Variants in UBR1 observed in about 807,000 individuals in gnomAD.
UBR1 encodes the protein ubiquitin protein ligase E3 component n-recognin 1.
A neutral mutation model predicts 242.1 loss-of-function variants in UBR1; 102 were observed. That is an observed-to-expected ratio of 0.42 (90% CI 0.36 to 0.50). UBR1 has a LOEUF of 0.50. Ranked by LOEUF, UBR1 falls within the 20% of genes least tolerant of loss-of-function variation. The pLI is 0.01. For synonymous variants in UBR1, 675 were observed against 684.8 expected (o/e 0.99, Z 0.22); for missense variants, 1,772 against 2,101.8 (o/e 0.84, Z 3.07).
At position 43,067,994 on chromosome 15, in the gene UBR1, T is replaced by C. The variant is rs1567142194; in HGVS notation, c.702A>G (p.Glu234=). 3.7e-6 allele frequency: 6 copies of C among 1,612,564 alleles called. No individual in the cohort carries two copies. Among genetic ancestry groups the C allele is most frequent in the Non-Finnish European group, 5.1e-6 (6 of 1,179,406 alleles). The change falls in exon 6 of 47, where the codon GAA becomes GAG. Residue 234 remains glutamate, a synonymous_variant. Transcript: ENST00000290650. ...ATATGACGTGGTCATATGAATGGTG[T>C]TCATCATTGAAAAGGACACAATAGT... is the stretch of plus-strand genomic sequence containing the variant. ...ERYYCVLFND[E]HHSYDHVIYS...
intron 19 of UBR1, 83 bp from the exon 20 acceptor site, chr15:43,032,714 T>C (rs947976235): frequency 1.2e-6 from 1 of 822,196 alleles, no homozygotes; most frequent in Non-Finnish European, 2.0e-6. Flanking sequence ...AGACTCATGG[T>C]CCATCCAGCC....
chr15:43,022,582 T>C, intron 26 of UBR1, 120 bp downstream of exon 26: 1 of 639,118 alleles, frequency 1.6e-6, no homozygotes, highest in South Asian at 2.1e-5. Flanking sequence ...GTTACCTATG[T>C]TTTAAGGACT....
At chr15:43,014,676 C>T (rs1283683783) in intron 29 of UBR1, among the ~76,000 whole-genome samples, 27 of 151,728 alleles carry the variant, frequency 1.8e-4, no homozygotes, top group African/African-American at 6.1e-4. Flanking sequence ...GGAGCCCCTC[C>T]GCCCAGCAGC....
intron 37 of UBR1, 92 bp from the exon 38 acceptor site, chr15:42,978,039 T>C (rs1248597903): frequency 3.2e-6 from 3 of 952,176 alleles, no homozygotes; most frequent in Non-Finnish European, 5.1e-6. Flanking sequence ...ACCAAACATA[T>C]AACAGGGTTA....
chr15:43,057,035 C>G (rs890740078), intron 10 of UBR1, among the ~76,000 whole-genome samples: 2 of 152,042 alleles, frequency 1.3e-5, no homozygotes, highest in Non-Finnish European at 2.9e-5. Flanking sequence ...AAGTTGGATA[C>G]TTAACCTACT....
At chr15:43,032,969 T>C (rs1211043914) in intron 19 of UBR1, among the ~76,000 whole-genome samples, 1 of 152,188 alleles carries the variant, frequency 6.6e-6, no homozygotes, top group East Asian at 1.9e-4. Context: ...TCAAATAGAT[T>C]GCCAACAGTT....
chr15:42,964,751 C>A (rs144470641), intron 41 of UBR1, among the ~76,000 whole-genome samples: 1 of 152,186 alleles, frequency 6.6e-6, no homozygotes, highest in Non-Finnish European at 1.5e-5. Flanking sequence ...CTACGTCAAA[C>A]GAAGCCTTGA....
At chr15:43,088,059 A>T (rs2034060129) in intron 1 of UBR1, among the ~76,000 whole-genome samples, 1 of 152,256 alleles carries the variant, frequency 6.6e-6, no homozygotes, top group Non-Finnish European at 1.5e-5. Context: ...GGAAAAACTT[A>T]GCGTTCACTG....
chr15:43,025,539 G>A, intron 23 of UBR1, 110 bp from the exon 24 acceptor site: 1 of 767,338 alleles, frequency 1.3e-6, no homozygotes, highest in Non-Finnish European at 2.2e-6. Context: ...TTTATATACT[G>A]AAGCATGTAT....
chr15:43,069,970 C>A (rs1410047588), intron 5 of UBR1, among the ~76,000 whole-genome samples: 1 of 152,072 alleles, frequency 6.6e-6, no homozygotes, highest in Non-Finnish European at 1.5e-5. Context: ...TAATAAGAGT[C>A]AAAATAGTAC....
intron 1 of UBR1, among the ~76,000 whole-genome samples, chr15:43,091,392 C>A (rs1448738990): frequency 6.6e-6 from 1 of 152,122 alleles, no homozygotes; most frequent in African/African-American, 2.4e-5. Flanking sequence ...AATGTTCAAC[C>A]AGTACAATAC....
chr15:43,020,933 G>T, intron 27 of UBR1: 1 of 263,690 alleles, frequency 3.8e-6, no homozygotes, highest in Non-Finnish European at 7.4e-6. Context: ...TGATATTTTT[G>T]TTTATTTATT....
chr15:43,089,474 G>A (rs914536602), intron 1 of UBR1, among the ~76,000 whole-genome samples: 3 of 152,154 alleles, frequency 2.0e-5, no homozygotes, highest in Admixed American at 6.5e-5. Flanking sequence ...CAGCCTGGGC[G>A]ACAGAGCGAG....
At position 43,074,030 on chromosome 15, in the gene UBR1, T is replaced by G. The variant is rs549813728; in HGVS notation, c.528+949A>C. 4.6e-5 allele frequency among the ~76,000 whole-genome samples: 7 copies of G among 152,346 alleles called. No homozygotes were observed. In the East Asian group the frequency reaches 9.6e-4, roughly 21 times the overall value. Reference sequence around the variant, plus strand: ...TCTGAACATGGCATTCTGGGGCAAGTACTTTCTTGTGAAAATTTTCTGAAT... The same window carrying G: ...TCTGAACATGGCATTCTGGGGCAAGGACTTTCTTGTGAAAATTTTCTGAAT... On this transcript the variant is annotated intron_variant, in intron 4 of 46. Coordinates refer to ENST00000290650, the MANE Select transcript of UBR1 (RefSeq NM_174916.3).
In UBR1 at chr15:43,076,111, A is replaced by G. The variant is rs2033887587; in HGVS notation, c.418-1022T>C. On this transcript the variant is annotated intron_variant, in intron 3 of 46. Coordinates refer to ENST00000290650, the MANE Select transcript of UBR1 (RefSeq NM_174916.3). ...TGCCTCAGCCTGCAGAGTGCCTGCG[A>G]TTGCAGGCGCGCGCCGCCACGCCTG... 1.0e-4 allele frequency among the ~76,000 whole-genome samples: 15 copies of G among 148,584 alleles called. No individual in the cohort carries two copies. The South Asian group carries it at 3.0e-3, about 29-fold the overall frequency.
At chr15:42,946,898 AGCACT>A (rs2031745271) in intron 46 of UBR1, among the ~76,000 whole-genome samples, 1 of 152,230 alleles carries the variant, frequency 6.6e-6, no homozygotes, top group Admixed American at 6.5e-5. Flanking sequence ...CTGTAATCCC[AGCACT>A]TTGGGAGTCC....
At chr15:43,038,921 AT>A (rs1002917191) in intron 15 of UBR1, among the ~76,000 whole-genome samples, 1 of 151,898 alleles carries the variant, frequency 6.6e-6, no homozygotes, top group Non-Finnish European at 1.5e-5. Context: ...AAAAATTTTT[AT>A]TTTCATTAAA....
intron 43 of UBR1, among the ~76,000 whole-genome samples, chr15:42,959,817 T>C (rs2031984252): frequency 6.6e-6 from 1 of 152,182 alleles, no homozygotes; most frequent in Admixed American, 6.5e-5. Context: ...CATATGCACA[T>C]GTACAGTGGA....
At chr15:43,044,813 T>C (rs575911207) in intron 14 of UBR1, among the ~76,000 whole-genome samples, 19 of 152,240 alleles carry the variant, frequency 1.2e-4, no homozygotes, top group African/African-American at 4.3e-4. Flanking sequence ...CAGAACCGCT[T>C]GAACCCAGGA....
Sources: allele counts gnomAD v4.1 joint callset (sites outside exome capture counted in the v4.1 genomes callset), GRCh38; gene constraint gnomAD v4.1.1; transcripts MANE v1.5; gene names NCBI Gene and HGNC (gene_info 2026-07-23, HGNC 2026-07-21).